The following SYNPO variants were observed in gnomAD, a reference collection of about 807,000 sequenced individuals.
The protein encoded by SYNPO is synaptopodin.
SYNPO carries 19 observed loss-of-function variants against 49.5 expected under a neutral mutation model. That is an observed-to-expected ratio of 0.38 (90% CI 0.27 to 0.56). The LOEUF (loss-of-function observed/expected upper bound fraction) is 0.56. Ranked by LOEUF, SYNPO falls within the 20% of genes least tolerant of loss-of-function variation. The probability of loss-of-function intolerance (pLI) is 0.68; values close to 1 mark genes in which losing one functional copy is unlikely to be tolerated. For missense variants in SYNPO, 1,131 were observed against 1,248.3 expected, an observed-to-expected ratio of 0.91 and a Z score of 1.42; for synonymous variants, 536 against 548.0, an observed-to-expected ratio of 0.98 and a Z score of 0.31.
intron 2 of SYNPO, among the ~76,000 whole-genome samples, chr5:150,655,319 A>G: frequency 6.6e-6 from 1 of 152,204 alleles, no homozygotes; most frequent in East Asian, 1.9e-4. Context: ...GGCTTGGGTC[A>G]TGAGCTCTAG....
Position 150,650,170 on chromosome 5 carries a change from T to A in SYNPO, c.1895T>A (p.Leu632Gln), listed in dbSNP as rs1386456787. ...TACACCTCCCCCGGCCAGGACAGCC[T>A]GCAGCCCACTGCCGTGAGCCCTCCT... ...GLYTSPGQDS[L>Q]QPTAVSPPYG... is the part of the protein sequence containing the mutation. The change falls in exon 2 of 3, where the codon CTG (leucine) becomes CAG (glutamine). Residue 632 changes from leucine to glutamine, a missense_variant. Leu to Gln is a moderately radical substitution (Grantham distance 113, BLOSUM62 -2). This residue lies in a region of SYNPO where 509 missense variants were observed against 484.5 expected (regional missense o/e 1.05). Transcript: ENST00000307662. The A allele has an allele frequency of 2.5e-6, 4 of 1,613,898 alleles. No individual in the cohort carries two copies. The East Asian group carries it at 6.7e-5, about 27-fold the overall frequency.
At chr5:150,651,857 T>C (rs1305587836) in intron 2 of SYNPO, 1 of 1,000,340 alleles carries the variant, frequency 1.0e-6, no homozygotes, top group Non-Finnish European at 1.2e-6. Context: ...GGAGGTGATA[T>C]GATACAGCCC....
chr5:150,587,294 G>A, the SYNPO span, among the ~76,000 whole-genome samples: 3 of 151,892 alleles, frequency 2.0e-5, no homozygotes, highest in Non-Finnish European at 4.4e-5. Context: ...ATGAATATGT[G>A]GATGATGCAT....
intron 2 of SYNPO, chr5:150,650,914 G>C (rs1000634024): frequency 1.6e-6 from 2 of 1,257,280 alleles, no homozygotes; most frequent in African/African-American, 3.1e-5. Flanking sequence ...AGAGAGCTTT[G>C]CCTCGCCTCC....
rs891896732 is a variant in SYNPO, at chr5:150,657,193, G to A, written c.*106G>A. 1.6e-6 allele frequency: 2 copies of A among 1,248,190 alleles called. No individual in the cohort carries two copies. Among genetic ancestry groups the A allele is most frequent in the Non-Finnish European group, 1.1e-6 (1 of 916,946 alleles). The allele number at this position is 1,248,190 out of a possible 1,614,324, so 77.3% of individuals were successfully genotyped here. A position where few individuals can be genotyped will look rare whatever the true frequency, so the allele number is the denominator to read the frequency against. Reference sequence around the variant, plus strand: ...TCTTTGGGCAGCCCCAGAGATGAGGGGTCAGCAGAGGAGAGCTCTGGGGTT... The same window carrying A: ...TCTTTGGGCAGCCCCAGAGATGAGGAGTCAGCAGAGGAGAGCTCTGGGGTT... On this transcript the variant is annotated 3_prime_UTR_variant, in exon 3 of 3. Coordinates refer to ENST00000307662, the MANE Select transcript of SYNPO (RefSeq NM_007286.6).
intron 2 of SYNPO, among the ~76,000 whole-genome samples, chr5:150,622,670 G>T (rs78232345): frequency 6.6e-6 from 1 of 152,196 alleles, no homozygotes. Flanking sequence ...ACCTGTGTGC[G>T]TGTTAACAGC....
At chr5:150,640,649 T>C (rs1757870063), upstream of SYNPO, 1 of 985,288 alleles carries the variant, frequency 1.0e-6, no homozygotes. Flanking sequence ...TGTTGCAAAA[T>C]CGGTTTTCCT....
At chr5:150,644,173 A>G (rs76629791) in intron 1 of SYNPO, among the ~76,000 whole-genome samples, 3 of 123,922 alleles carry the variant, frequency 2.4e-5, no homozygotes, top group African/African-American at 1.5e-4. Flanking sequence ...TGTCTCAGAA[A>G]AAAAAAAAAA....
At chr5:150,634,817 C>T (rs546845083) in intron 2 of SYNPO, among the ~76,000 whole-genome samples, 2 of 140,310 alleles carry the variant, frequency 1.4e-5, no homozygotes, top group African/African-American at 5.5e-5. Flanking sequence ...CAGAGTGAGA[C>T]CCTGTCTAAA....
chr5:150,623,379 C>T (rs558700655), intron 2 of SYNPO, among the ~76,000 whole-genome samples: 1 of 152,010 alleles, frequency 6.6e-6, no homozygotes, highest in African/African-American at 2.4e-5. Flanking sequence ...CAATCCTAGC[C>T]TCTCTCTCTC....
upstream of SYNPO, among the ~76,000 whole-genome samples, chr5:150,637,430 C>T (rs114108570): frequency 6.6e-6 from 1 of 152,198 alleles, no homozygotes; most frequent in Non-Finnish European, 1.5e-5. Flanking sequence ...CCGAATGCCT[C>T]GCACATTAGA....
At chr5:150,601,756 TG>T (rs1164216171) in intron 1 of SYNPO, among the ~76,000 whole-genome samples, 1 of 152,152 alleles carries the variant, frequency 6.6e-6, no homozygotes, top group Non-Finnish European at 1.5e-5. Context: ...GACACTCACC[TG>T]AGTAGGGGGT....
At position 150,658,310 on chromosome 5, in the gene SYNPO, C is replaced by T. The variant is rs1758645725; in HGVS notation, c.*1223C>T. ...TAGGGTCTGCCTGTATTTCTGGTCC[C>T]CTTGGAAATGTCCCCTTCTTCAGTG... On this transcript the variant is annotated 3_prime_UTR_variant, in exon 3 of 3. Transcript: ENST00000307662. 1 of 152,330 alleles carries T rather than the reference C, an allele frequency of 6.6e-6. No individual in the cohort carries two copies. Among genetic ancestry groups the T allele is most frequent in the Admixed American group, 6.5e-5 (1 of 15,280 alleles). 9.4% of individuals were successfully genotyped at this position (152,330 alleles called of 1,614,324 possible).
the SYNPO span, among the ~76,000 whole-genome samples, chr5:150,588,833 A>G: frequency 6.6e-6 from 1 of 151,966 alleles, no homozygotes; most frequent in Non-Finnish European, 1.5e-5. Context: ...TTGCACAGTC[A>G]CTTATTTACA....
intron 2 of SYNPO, chr5:150,651,212 A>T (rs1189680952): frequency 8.9e-6 from 9 of 1,007,354 alleles, no homozygotes; most frequent in Middle Eastern, 5.1e-4. Flanking sequence ...TTGGCTTCAG[A>T]TTCAACCAAG....
At chr5:150,632,881 C>T (rs553302660) in intron 2 of SYNPO, among the ~76,000 whole-genome samples, 24 of 152,262 alleles carry the variant, frequency 1.6e-4, no homozygotes, top group Admixed American at 1.2e-3. Context: ...GCCCTCCTAG[C>T]GTGGCCTTCA....
intron 2 of SYNPO, among the ~76,000 whole-genome samples, chr5:150,628,036 CTGTG>C (rs3062926): frequency 0.06 from 8,521 of 141,996 alleles, 388 homozygotes; most frequent in Middle Eastern, 0.11. Context: ...GTGTGTGTTT[CTGTG>C]TGTGTGTGTG....
chr5:150,596,837 G>T (rs1320635047), upstream of SYNPO, among the ~76,000 whole-genome samples: 2 of 152,220 alleles, frequency 1.3e-5, no homozygotes, highest in South Asian at 2.1e-4. Flanking sequence ...GGGCAAGGAG[G>T]CTAGAAGGTA....
intron 2 of SYNPO, among the ~76,000 whole-genome samples, chr5:150,632,156 C>T (rs914307408): frequency 2.6e-5 from 4 of 152,156 alleles, no homozygotes; most frequent in African/African-American, 7.2e-5. Flanking sequence ...TTCCCCATCT[C>T]TATTATAGAT....
Sources: allele counts gnomAD v4.1 joint callset (sites outside exome capture counted in the v4.1 genomes callset), GRCh38; gene constraint gnomAD v4.1.1; regional missense constraint gnomAD v4.1.1; transcripts MANE v1.5; gene names NCBI Gene and HGNC (gene_info 2026-07-23, HGNC 2026-07-21).